Variants in FARS2 observed in about 807,000 individuals in gnomAD.
The protein encoded by FARS2 is phenylalanine--tRNA ligase, mitochondrial.
In FARS2, 40 loss-of-function variants were observed where a neutral mutation model predicts 46.4. The ratio of observed to expected loss-of-function variants is 0.86; its 90% CI spans 0.67 to 1.12. FARS2 has a LOEUF of 1.12. Ranked by LOEUF, FARS2 falls within the 50% of genes most tolerant of loss-of-function variation. The pLI is 0.00. For synonymous variants in FARS2, 234 were observed against 214.9 expected (o/e 1.09, Z -0.78); for missense variants, 513 against 567.9 (o/e 0.90, Z 0.98).
intron 4 of FARS2, among the ~76,000 whole-genome samples, chr6:5,495,608 C>T (rs1207121365): frequency 4.6e-5 from 7 of 152,156 alleles, no homozygotes; most frequent in Non-Finnish European, 1.0e-4. Flanking sequence ...GAACATCAGC[C>T]CTTTAAGCCT....
At chr6:5,366,749 A>G (rs1581897787) in intron 1 of FARS2, among the ~76,000 whole-genome samples, 1 of 152,222 alleles carries the variant, frequency 6.6e-6, no homozygotes, top group East Asian at 1.9e-4. Context: ...TCCGAGAACA[A>G]TTCTGAACTT....
intron 6 of FARS2, among the ~76,000 whole-genome samples, chr6:5,700,003 C>T (rs745858320): frequency 6.6e-6 from 1 of 152,178 alleles, no homozygotes; most frequent in Non-Finnish European, 1.5e-5. Context: ...CTAACTATAT[C>T]GACTGACCTC....
At chr6:5,626,661 G>A (rs11963854) in intron 6 of FARS2, among the ~76,000 whole-genome samples, 17,588 of 152,198 alleles carry the variant, frequency 0.12, 2,963 homozygotes, top group African/African-American at 0.37. Context: ...CTCAGACCTG[G>A]TTAGATCTCA....
chr6:5,272,782 T>C (rs1264817935), intron 1 of FARS2, among the ~76,000 whole-genome samples: 1 of 152,230 alleles, frequency 6.6e-6, no homozygotes, highest in Non-Finnish European at 1.5e-5. Context: ...GTATTTTTAC[T>C]TGCTAGTCAA....
At chr6:5,596,411 C>T (rs1323328104) in intron 5 of FARS2, among the ~76,000 whole-genome samples, 1 of 152,184 alleles carries the variant, frequency 6.6e-6, no homozygotes, top group Non-Finnish European at 1.5e-5. Flanking sequence ...AAGTTGAAAA[C>T]CTTTTTGTCA....
rs764850280 is a variant in FARS2 at position 5,771,464 on chromosome 6, G to T, written c.*35G>T. 29 of 1,582,070 alleles carry T rather than the reference G, an allele frequency of 1.8e-5. No individual in the cohort carries two copies. The highest frequency in any genetic ancestry group is 2.4e-5 in the Non-Finnish European group (28 of 1,168,692). ...TTCACTCAGGCTGCAGCCCTCTTGG[G>T]GCTCCAGGATTTGCTGAAAGAGAAA... On this transcript the variant is annotated 3_prime_UTR_variant, in exon 7 of 7. Coordinates refer to ENST00000274680, the MANE Select transcript of FARS2 (RefSeq NM_006567.5).
At position 5,438,978 on chromosome 6, in the gene FARS2, C is replaced by G. The variant is rs145363809; in HGVS notation, c.904+7806C>G. On this transcript the variant is annotated intron_variant, in intron 4 of 6. Transcript: ENST00000274680. Reference sequence around the variant, plus strand: ...AACAAATTTTGGATTGTATATTGCACTTTCTGAATGGCATCCTGTCATCTG... The same window carrying G: ...AACAAATTTTGGATTGTATATTGCAGTTTCTGAATGGCATCCTGTCATCTG... 3.0e-4 allele frequency among the ~76,000 whole-genome samples: 45 copies of G among 152,282 alleles called. 1 individual carries two copies. In the East Asian group the frequency reaches 5.4e-3, roughly 18 times the overall value.
At chr6:5,694,727 G>A (rs909072024) in intron 6 of FARS2, among the ~76,000 whole-genome samples, 1 of 151,992 alleles carries the variant, frequency 6.6e-6, no homozygotes. Context: ...GTAACGGCCA[G>A]GTGCAGTGGC....
rs897585531 is a variant in FARS2, at chr6:5,444,783, G to T, written c.904+13611G>T. ...CAGGCTCATGGAAACAGTAAAATGGGGCGGGGGGGAACTGACCTAATTTTT... is the reference window on the plus strand; with the variant it reads ...CAGGCTCATGGAAACAGTAAAATGGTGCGGGGGGGAACTGACCTAATTTTT... On this transcript the variant is annotated intron_variant, in intron 4 of 6. Coordinates refer to ENST00000274680, the MANE Select transcript of FARS2 (RefSeq NM_006567.5). 4.6e-3 allele frequency among the ~76,000 whole-genome samples: 370 copies of T among 80,356 alleles called. 1 individual carries two copies. The highest frequency in any genetic ancestry group is 0.011 in the African/African-American group (346 of 31,428). 52.7% of individuals were successfully genotyped at this position (80,356 alleles called of 152,430 possible). A position where few individuals can be genotyped will look rare whatever the true frequency, so the allele number is the denominator to read the frequency against.
At chr6:5,392,882 T>C (rs2127695476) in intron 2 of FARS2, among the ~76,000 whole-genome samples, 1 of 146,640 alleles carries the variant, frequency 6.8e-6, no homozygotes, top group East Asian at 2.0e-4. Context: ...TATATATGTA[T>C]ATATACATAT....
At chr6:5,564,869 G>A (rs891358420) in intron 5 of FARS2, among the ~76,000 whole-genome samples, 1 of 152,192 alleles carries the variant, frequency 6.6e-6, no homozygotes, top group East Asian at 1.9e-4. Context: ...CCACAGGTTA[G>A]GAATCCTGTG....
intron 6 of FARS2, among the ~76,000 whole-genome samples, chr6:5,677,859 G>T (rs747381160): frequency 2.0e-5 from 3 of 152,184 alleles, no homozygotes; most frequent in Non-Finnish European, 4.4e-5. Context: ...GCACCAAGGA[G>T]GAGTGCAGTA....
intron 1 of FARS2, among the ~76,000 whole-genome samples, chr6:5,266,859 T>G (rs1765580632): frequency 6.6e-6 from 1 of 152,180 alleles, no homozygotes; most frequent in Non-Finnish European, 1.5e-5. Context: ...TCTATTAACA[T>G]CTCTTTGAAA....
intron 6 of FARS2, among the ~76,000 whole-genome samples, chr6:5,701,186 G>T (rs1758411570): frequency 6.6e-6 from 1 of 152,258 alleles, no homozygotes; most frequent in African/African-American, 2.4e-5. Context: ...GGAGGCACAG[G>T]ATCCGCTAAG....
At chr6:5,349,998 T>C (rs932515448) in intron 1 of FARS2, among the ~76,000 whole-genome samples, 2 of 152,178 alleles carry the variant, frequency 1.3e-5, no homozygotes, top group African/African-American at 4.8e-5. Context: ...TTTGATCACC[T>C]GGCAGTGTAG....
chr6:5,559,232 G>A (rs1349731957), intron 5 of FARS2, among the ~76,000 whole-genome samples: 1 of 151,920 alleles, frequency 6.6e-6, no homozygotes. Context: ...GAGAGACCCC[G>A]TCTTTACAGA....
chr6:5,757,056 AC>A (rs1762244034), intron 6 of FARS2, among the ~76,000 whole-genome samples: 2 of 152,206 alleles, frequency 1.3e-5, no homozygotes, highest in Admixed American at 6.5e-5. Context: ...TTTGAAATTA[AC>A]CCATGGGCAG....
chr6:5,755,179 T>G (rs78701167), intron 6 of FARS2, among the ~76,000 whole-genome samples: 210 of 152,368 alleles, frequency 1.4e-3, no homozygotes, highest in Non-Finnish European at 2.6e-3. Flanking sequence ...AATTATATTT[T>G]TATTTCCATA....
At chr6:5,317,411 A>C (rs1769600715) in intron 1 of FARS2, among the ~76,000 whole-genome samples, 1 of 152,190 alleles carries the variant, frequency 6.6e-6, no homozygotes. Context: ...TAGGGGTGCT[A>C]ATGGAAAAAG....
Sources: gnomAD v4.1 joint callset for allele counts (sites outside exome capture counted in the v4.1 genomes callset) on GRCh38, gnomAD v4.1.1 for gene constraint, MANE v1.5 for transcripts, NCBI Gene and HGNC (gene_info 2026-07-23, HGNC 2026-07-21) for gene names.